GABRB2: variants seen among roughly 807,000 people sequenced by gnomAD.
GABRB2 encodes the protein gamma-aminobutyric acid receptor subunit beta-2.
A neutral mutation model predicts 54.7 loss-of-function variants in GABRB2; 16 were observed. The ratio of observed to expected loss-of-function variants is 0.29; its 90% CI spans 0.20 to 0.44. GABRB2 has a LOEUF of 0.44. Ranked by LOEUF, GABRB2 falls within the 20% of genes least tolerant of loss-of-function variation. The pLI is 1.00. For missense variants in GABRB2, 355 were observed against 644.0 expected, an observed-to-expected ratio of 0.55 and a Z score of 4.86; for synonymous variants, 244 against 233.8, an observed-to-expected ratio of 1.04 and a Z score of -0.40.
intron 3 of GABRB2, among the ~76,000 whole-genome samples, chr5:161,543,906 T>G (rs1040866353): frequency 6.6e-6 from 1 of 152,328 alleles, no homozygotes; most frequent in Admixed American, 6.5e-5. Context: ...ATAAAAACTT[T>G]CTCTAAATTA....
intron 3 of GABRB2, among the ~76,000 whole-genome samples, chr5:161,512,615 A>G (rs1759810858): frequency 6.6e-6 from 1 of 152,132 alleles, no homozygotes; most frequent in Non-Finnish European, 1.5e-5. Context: ...TAAGAATCTT[A>G]GAAGAATACC....
chr5:161,420,871 A>C (rs17059441), intron 4 of GABRB2, among the ~76,000 whole-genome samples: 179 of 152,318 alleles, frequency 1.2e-3, no homozygotes, highest in African/African-American at 4.2e-3. Flanking sequence ...TCCATCAAAA[A>C]ATTAGAACTC....
intron 4 of GABRB2, among the ~76,000 whole-genome samples, chr5:161,411,652 C>T (rs565976620): frequency 4.8e-4 from 73 of 152,166 alleles, no homozygotes; most frequent in African/African-American, 1.7e-3. Flanking sequence ...ACAATATACT[C>T]CTATGGGATG....
At chr5:161,369,920 C>A (rs1264184219) in intron 5 of GABRB2, among the ~76,000 whole-genome samples, 1 of 152,048 alleles carries the variant, frequency 6.6e-6, no homozygotes, top group Non-Finnish European at 1.5e-5. Context: ...TCTCTTCAGA[C>A]CTTTTATTTC....
At chr5:161,321,983 A>C (rs906179497) in intron 9 of GABRB2, among the ~76,000 whole-genome samples, 1 of 152,280 alleles carries the variant, frequency 6.6e-6, no homozygotes, top group East Asian at 1.9e-4. Context: ...AGCAGGATTA[A>C]TTACTTTCAT....
chr5:161,471,035 T>C (rs1758423574), intron 3 of GABRB2, among the ~76,000 whole-genome samples: 1 of 152,134 alleles, frequency 6.6e-6, no homozygotes, highest in South Asian at 2.1e-4. Context: ...ATTTGTTCTC[T>C]CCACCCACTG....
At chr5:161,509,262 T>A (rs1177011658) in intron 3 of GABRB2, among the ~76,000 whole-genome samples, 1 of 152,020 alleles carries the variant, frequency 6.6e-6, no homozygotes, top group Non-Finnish European at 1.5e-5. Context: ...TCTATGACAA[T>A]ATTTTGTAAG....
intron 5 of GABRB2, among the ~76,000 whole-genome samples, chr5:161,382,508 TA>T (rs36121077): frequency 0.047 from 7,047 of 151,258 alleles, 187 homozygotes; most frequent in Middle Eastern, 0.095. Context: ...ACACTTCTGT[TA>T]AAAAAAAAGA....
Position 161,305,001 on chromosome 5 carries a change from ATTTTTTTTTTT to A in GABRB2, c.1192-10584_1192-10574del, listed in dbSNP as rs544511446. Among the ~76,000 whole-genome samples, 306 of 95,182 alleles carry A rather than the reference ATTTTTTTTTTT, an allele frequency of 3.2e-3. 5 individuals carry two copies. In the East Asian group the frequency reaches 0.048, roughly 15 times the overall value. The allele number at this position is 95,182 out of a possible 152,430, so 62.4% of individuals were successfully genotyped here. A position where few individuals can be genotyped will look rare whatever the true frequency, so the allele number is the denominator to read the frequency against. On this transcript the variant is annotated intron_variant, in intron 9 of 9. Coordinates refer to ENST00000393959, the MANE Select transcript of GABRB2 (RefSeq NM_001371727.1). ...AGAAAACTATATTTATGATATATCA[ATTTTTTTTTTT>A]TTTTTTTTTTTTTTTGAGACGGAGT...
intron 8 of GABRB2, 116 bp from the exon 9 acceptor site, chr5:161,326,597 G>C: frequency 8.0e-7 from 1 of 1,247,904 alleles, no homozygotes; most frequent in Non-Finnish European, 1.1e-6. Context: ...AAATCCTTTA[G>C]ATAAAGGCTA....
Position 161,476,466 on chromosome 5 carries a change from C to T in GABRB2, c.238-16622G>A, listed in dbSNP as rs887351317. On this transcript the variant is annotated intron_variant, in intron 3 of 9. Coordinates refer to ENST00000393959, the MANE Select transcript of GABRB2 (RefSeq NM_001371727.1). ...GTATCCTAAAATTTATAGAAAACCT[C>T]AATATACCCCAAATAAACAAAATAA... Among the ~76,000 whole-genome samples the T allele has an allele frequency of 5.9e-5, 9 of 151,732 alleles. 1 individual carries two copies. The highest frequency in any genetic ancestry group is 2.2e-4 in the African/African-American group (9 of 41,376).
At chr5:161,536,232 G>A (rs996175369) in intron 3 of GABRB2, among the ~76,000 whole-genome samples, 15 of 152,148 alleles carry the variant, frequency 9.9e-5, no homozygotes, top group Admixed American at 3.9e-4. Flanking sequence ...AGAATGTTGA[G>A]CGCTGTACGA....
intron 9 of GABRB2, among the ~76,000 whole-genome samples, chr5:161,304,536 T>G (rs1757625689): frequency 6.6e-6 from 1 of 152,194 alleles, no homozygotes; most frequent in Non-Finnish European, 1.5e-5. Flanking sequence ...TTGAGGAGCC[T>G]GCTTAATTTT....
intron 5 of GABRB2, among the ~76,000 whole-genome samples, chr5:161,354,943 T>C (rs1057007933): frequency 6.6e-6 from 1 of 152,016 alleles, no homozygotes; most frequent in African/African-American, 2.4e-5. Context: ...ACTGGCCCTC[T>C]CTTTTCTCTT....
At chr5:161,332,463 G>A (rs1246103610) in intron 7 of GABRB2, among the ~76,000 whole-genome samples, 1 of 152,128 alleles carries the variant, frequency 6.6e-6, no homozygotes, top group Non-Finnish European at 1.5e-5. Context: ...GGGTCAGGCT[G>A]TAATTGTTTG....
chr5:161,383,140 G>A (rs955743966), intron 5 of GABRB2, among the ~76,000 whole-genome samples: 2 of 152,070 alleles, frequency 1.3e-5, no homozygotes, highest in African/African-American at 4.8e-5. Flanking sequence ...GAATACAATG[G>A]TTAATAATTA....
chr5:161,375,608 G>A (rs1251094757), intron 5 of GABRB2, among the ~76,000 whole-genome samples: 1 of 152,154 alleles, frequency 6.6e-6, no homozygotes, highest in African/African-American at 2.4e-5. Context: ...TAAGAACGAG[G>A]CTTTTGGAGT....
At chr5:161,310,234 C>A (rs946960524) in intron 9 of GABRB2, among the ~76,000 whole-genome samples, 5 of 152,072 alleles carry the variant, frequency 3.3e-5, no homozygotes, top group African/African-American at 1.2e-4. Flanking sequence ...CCTGAGTGAT[C>A]AAATAATCTG....
At chr5:161,387,130 A>G (rs1011865863) in intron 5 of GABRB2, among the ~76,000 whole-genome samples, 10 of 152,102 alleles carry the variant, frequency 6.6e-5, no homozygotes, top group Non-Finnish European at 1.5e-4. Context: ...CAATAAATGT[A>G]ATTATTTTCT....
Sources: gnomAD v4.1 joint callset for allele counts (sites outside exome capture counted in the v4.1 genomes callset) on GRCh38, gnomAD v4.1.1 for gene constraint, MANE v1.5 for transcripts, NCBI Gene and HGNC (gene_info 2026-07-23, HGNC 2026-07-21) for gene names.